Variants in MYRIP observed in about 807,000 individuals in gnomAD.
MYRIP encodes rab effector MyRIP.
In MYRIP, 49 loss-of-function variants were observed where a neutral mutation model predicts 98.0. The ratio of observed to expected loss-of-function variants is 0.50; its 90% CI spans 0.40 to 0.63. The LOEUF (loss-of-function observed/expected upper bound fraction) is 0.63. MYRIP is among the 30% of genes least tolerant of loss of function. The pLI, the probability that MYRIP is intolerant of heterozygous loss-of-function variation, is 0.00. For missense variants in MYRIP, 1,004 were observed against 1,058.2 expected, an observed-to-expected ratio of 0.95 and a Z score of 0.71; for synonymous variants, 404 against 409.5, an observed-to-expected ratio of 0.99 and a Z score of 0.16.
At chr3:40,072,022 CTG>C (rs931581708) in intron 3 of MYRIP, among the ~76,000 whole-genome samples, 3 of 151,998 alleles carry the variant, frequency 2.0e-5, no homozygotes, top group African/African-American at 7.3e-5. Flanking sequence ...CATTCAAAGT[CTG>C]TGGTGCTTGT....
At chr3:40,016,708 A>G (rs1350315196) in intron 2 of MYRIP, among the ~76,000 whole-genome samples, 2 of 152,248 alleles carry the variant, frequency 1.3e-5, no homozygotes, top group Non-Finnish European at 2.9e-5. Flanking sequence ...GATCTAAGTC[A>G]GAGGTCATTG....
intron 1 of MYRIP, among the ~76,000 whole-genome samples, chr3:39,900,086 G>T (rs558728547): frequency 6.6e-6 from 1 of 152,280 alleles, no homozygotes; most frequent in African/African-American, 2.4e-5. Context: ...CTCCCAAAGT[G>T]CCGGGATTAC....
rs551316626 is a variant in MYRIP at position 40,152,807 on chromosome 3, CT to C, written c.469+1624del. ...CACATCTTATATCCTCATTATTGTA[CT>C]AGTTCAACCTTAAAAGCATTTTGTG... On this transcript the variant is annotated intron_variant, in intron 4 of 16. Coordinates refer to ENST00000302541, the MANE Select transcript of MYRIP (RefSeq NM_015460.4). Among the ~76,000 whole-genome samples the C allele has an allele frequency of 2.0e-4, 31 of 152,212 alleles. No homozygotes were observed. In the East Asian group the frequency reaches 5.4e-3, roughly 27 times the overall value.
chr3:40,064,693 A>G (rs11706060), intron 3 of MYRIP, among the ~76,000 whole-genome samples: 44,065 of 152,078 alleles, frequency 0.29, 6,467 homozygotes, highest in East Asian at 0.35. Flanking sequence ...TGAGCTGATG[A>G]TCTGTTCTCC....
chr3:40,020,633 G>A (rs370923410), intron 2 of MYRIP, among the ~76,000 whole-genome samples: 112 of 152,304 alleles, frequency 7.4e-4, no homozygotes, highest in South Asian at 1.4e-3. Context: ...GAGCTCAAAC[G>A]TATGGGTACA....
At chr3:40,227,669 A>G (rs535990541) in intron 11 of MYRIP, among the ~76,000 whole-genome samples, 1 of 152,354 alleles carries the variant, frequency 6.6e-6, no homozygotes, top group African/African-American at 2.4e-5. Flanking sequence ...AAATAGTTAA[A>G]GAAAAATGTT....
At chr3:40,220,641 G>GA (rs1331053354) in intron 11 of MYRIP, among the ~76,000 whole-genome samples, 1 of 152,030 alleles carries the variant, frequency 6.6e-6, no homozygotes, top group East Asian at 1.9e-4. Flanking sequence ...CTGCTATAAA[G>GA]AAAAAACCTT....
chr3:40,239,246 T>G (rs1044149834), intron 12 of MYRIP, among the ~76,000 whole-genome samples: 13 of 151,608 alleles, frequency 8.6e-5, no homozygotes, highest in African/African-American at 2.9e-4. Flanking sequence ...CTCATCATTT[T>G]TTATGGCTGC....
At chr3:40,060,579 CT>C (rs1046451919) in intron 3 of MYRIP, among the ~76,000 whole-genome samples, 3 of 96,126 alleles carry the variant, frequency 3.1e-5, no homozygotes, top group Non-Finnish European at 7.1e-5. Flanking sequence ...ATTAGATTTT[CT>C]TTTTTTTTCT....
chr3:39,939,524 A>C (rs570195954), intron 2 of MYRIP, among the ~76,000 whole-genome samples: 2 of 152,236 alleles, frequency 1.3e-5, no homozygotes, highest in East Asian at 1.9e-4. Context: ...GAAAGAAAAA[A>C]CAAAGGCCTA....
chr3:39,992,373 G>C (rs1946201137), intron 2 of MYRIP, among the ~76,000 whole-genome samples: 1 of 152,108 alleles, frequency 6.6e-6, no homozygotes, highest in Non-Finnish European at 1.5e-5. Flanking sequence ...GGTGCTTCCT[G>C]TCTCCAGCTC....
chr3:40,192,276 C>G (rs66499656), intron 10 of MYRIP, among the ~76,000 whole-genome samples: 1 of 129,482 alleles, frequency 7.7e-6, no homozygotes. Flanking sequence ...AATTCTCCCT[C>G]TGATTTCATT....
chr3:40,258,683 G>C lies in MYRIP; in HGVS notation c.*517G>C, dbSNP rs1168786940. 1.9e-5 allele frequency: 3 copies of C among 155,096 alleles called. No homozygotes were observed. The highest frequency in any genetic ancestry group is 7.2e-5 in the African/African-American group (3 of 41,590). 9.6% of individuals were successfully genotyped at this position (155,096 alleles called of 1,614,324 possible). ...AAGCAAGTCCCTGCAGTGAGCACTA[G>C]GGACAGTCTAATTTGGGGATTGCTC... On this transcript the variant is annotated 3_prime_UTR_variant, in exon 17 of 17. Coordinates refer to ENST00000302541, the MANE Select transcript of MYRIP (RefSeq NM_015460.4).
intron 11 of MYRIP, among the ~76,000 whole-genome samples, chr3:40,224,903 G>C (rs1354489089): frequency 2.0e-5 from 3 of 152,222 alleles, no homozygotes; most frequent in Admixed American, 2.0e-4. Flanking sequence ...AGGGACATGA[G>C]TCTGTTCATG....
intron 2 of MYRIP, among the ~76,000 whole-genome samples, chr3:40,011,990 A>G (rs1333208054): frequency 6.6e-6 from 1 of 152,218 alleles, no homozygotes; most frequent in Admixed American, 6.5e-5. Flanking sequence ...ACTTATAAAC[A>G]CTACCAATTA....
In MYRIP at chr3:39,809,644, C is replaced by T. The variant is rs1940595559; in HGVS notation, c.-303C>T. The T allele has an allele frequency of 6.6e-6, 1 of 151,822 alleles. No homozygotes were observed. Among genetic ancestry groups the T allele is most frequent in the Non-Finnish European group, 1.5e-5 (1 of 67,882 alleles). 9.4% of individuals were successfully genotyped at this position (151,822 alleles called of 1,614,324 possible). ...TGGCTGCCTGCGGCGCGGGCGCCTC[C>T]CTCGCAGCCGCTGCTGCCGACGCCG... is the stretch of plus-strand genomic sequence containing the variant. On this transcript the variant is annotated 5_prime_UTR_variant, in exon 1 of 17. Coordinates refer to ENST00000302541, the MANE Select transcript of MYRIP (RefSeq NM_015460.4).
At chr3:39,910,324 C>T (rs1461756237) in intron 2 of MYRIP, among the ~76,000 whole-genome samples, 1 of 152,194 alleles carries the variant, frequency 6.6e-6, no homozygotes, top group Non-Finnish European at 1.5e-5. Context: ...AGTACCAAGG[C>T]AGTACACTGC....
chr3:39,872,065 C>A (rs115889634), intron 1 of MYRIP, among the ~76,000 whole-genome samples: 1,968 of 151,988 alleles, frequency 0.013, 20 homozygotes, highest in Non-Finnish European at 0.02. Flanking sequence ...GAAATAGAGA[C>A]AACTGATGAA....
At chr3:40,166,970 G>C (rs757050647) in intron 6 of MYRIP, 27 bp downstream of exon 6, 15 of 1,561,084 alleles carry the variant, frequency 9.6e-6, no homozygotes, top group Middle Eastern at 1.7e-4. Flanking sequence ...TCCTCTCTGT[G>C]GGGGGAGGTG....
Sources: allele counts gnomAD v4.1 joint callset (sites outside exome capture counted in the v4.1 genomes callset), GRCh38; gene constraint gnomAD v4.1.1; transcripts MANE v1.5; gene names NCBI Gene and HGNC (gene_info 2026-07-23, HGNC 2026-07-21).